GPR26: variants seen among roughly 807,000 people sequenced by gnomAD.
GPR26 encodes G protein-coupled receptor 26.
A neutral mutation model predicts 23.1 loss-of-function variants in GPR26; 15 were observed. That is an observed-to-expected ratio of 0.65 (90% confidence interval 0.43 to 1.00). The LOEUF (loss-of-function observed/expected upper bound fraction) is 1.00, where lower values mean the gene tolerates loss of function less well. Among genes scored for constraint, GPR26 ranks in the 50% least tolerant of loss-of-function variants. The pLI, the probability that GPR26 is intolerant of heterozygous loss-of-function variation, is 0.00. For synonymous variants in GPR26, 228 were observed against 222.1 expected (o/e 1.03, Z -0.24); for missense variants, 359 against 470.5 (o/e 0.76, Z 2.19).
rs1305952814 is a variant in GPR26, at chr10:123,691,671, C to T, written c.*3511C>T. On this transcript the variant is annotated 3_prime_UTR_variant, in exon 3 of 3. Coordinates refer to ENST00000284674, the MANE Select transcript of GPR26 (RefSeq NM_153442.4). Reference sequence around the variant, plus strand: ...CAGCTCCTATCCTCTGGACGGGGAGCATCATGGGAAAAAGAGGTCCGAGTC... The same window carrying T: ...CAGCTCCTATCCTCTGGACGGGGAGTATCATGGGAAAAAGAGGTCCGAGTC... 6.6e-6 allele frequency: 1 copy of T among 152,246 alleles called. No homozygotes were observed. The highest frequency in any genetic ancestry group is 2.1e-4 in the South Asian group (1 of 4,820). The allele number at this position is 152,246 out of a possible 1,614,324, so 9.4% of individuals were successfully genotyped here.
intron 2 of GPR26, among the ~76,000 whole-genome samples, chr10:123,675,857 A>ATGTGTGTGTGTGTGTGTGTGTGTGT: frequency 2.2e-5 from 1 of 45,642 alleles, no homozygotes; most frequent in Admixed American, 2.6e-4. Context: ...TGTGTGTGTA[A>ATGTGTGTGTGTGTGTGTGTGTGTGT]GAGAGAGAGA....
chr10:123,674,706 T>C lies in GPR26; in HGVS notation c.669-112T>C. 1.5e-6 allele frequency: 1 copy of C among 675,108 alleles called. No individual in the cohort carries two copies. The highest frequency in any genetic ancestry group is 1.8e-5 in the South Asian group (1 of 57,010). 41.8% of individuals were successfully genotyped at this position (675,108 alleles called of 1,614,324 possible). On this transcript the variant is annotated intron_variant, in intron 1 of 2. Transcript: ENST00000284674. The surrounding 1 kb of genome is among the most constrained non-coding windows in gnomAD (Gnocchi z 4.1). Reference sequence around the variant, plus strand: ...AGAGTTGACGCTGGGTCTTTCCGACTCCATAGTCAAGTTCTCACACTAGAG... The same window carrying C: ...AGAGTTGACGCTGGGTCTTTCCGACCCCATAGTCAAGTTCTCACACTAGAG...
rs149038559 is a variant in GPR26, at chr10:123,696,882, T to C, written c.*8722T>C. Among the ~76,000 whole-genome samples the C allele has an allele frequency of 2.8e-5, 4 of 144,668 alleles. No homozygotes were observed. Among genetic ancestry groups the C allele is most frequent in the African/African-American group, 1.2e-4 (4 of 34,650 alleles). The allele number at this position is 144,668 out of a possible 152,430, so 94.9% of individuals were successfully genotyped here. On this transcript the variant is annotated 3_prime_UTR_variant, in exon 3 of 3. Coordinates refer to ENST00000284674, the MANE Select transcript of GPR26 (RefSeq NM_153442.4). ...GGGTGAATGTTTGTGTGCCCATGAG[T>C]ATATGCATACGGGTGAATGTTTGTG...
chr10:123,678,433 G>A (rs962496126), intron 2 of GPR26, among the ~76,000 whole-genome samples: 5 of 152,222 alleles, frequency 3.3e-5, no homozygotes, highest in Admixed American at 3.3e-4. Context: ...CGATGTCAGG[G>A]TTTATCTGGG....
chr10:123,695,600 T>C lies in GPR26; in HGVS notation c.*7440T>C, dbSNP rs60025229. On this transcript the variant is annotated 3_prime_UTR_variant, in exon 3 of 3. Coordinates refer to ENST00000284674, the MANE Select transcript of GPR26 (RefSeq NM_153442.4). ...TCACGTTGACACTCAATTGATTGGG[T>C]GACCCAAGATGGTCAGTTTCCTAAG... 5.5e-3 allele frequency among the ~76,000 whole-genome samples: 843 copies of C among 152,240 alleles called. 9 individuals are homozygous for C. Among genetic ancestry groups the C allele is most frequent in the African/African-American group, 0.019 (773 of 41,540 alleles).
intron 2 of GPR26, among the ~76,000 whole-genome samples, chr10:123,683,155 G>A (rs899123248): frequency 1.3e-5 from 1 of 75,856 alleles, no homozygotes; most frequent in Non-Finnish European, 3.2e-5. Flanking sequence ...GGATTTGAAA[G>A]TACAGGTGCT....
At position 123,666,515 on chromosome 10, in the gene GPR26, C is replaced by T; in HGVS notation, c.108C>T (p.Ile36=). Residue 36 remains isoleucine, a synonymous_variant, in exon 1 of 3, where the codon ATC becomes ATT. Transcript: ENST00000284674. ...TCTGCCTGCTGCACAGCGCGGACAT[C>T]CGCCGCCAGGCGCCGGCGCTCTTCA... ...VLLCLLHSAD[I]RRQAPALFTL... The T allele has an allele frequency of 6.3e-7, 1 of 1,579,196 alleles. No individual in the cohort carries two copies.
intron 2 of GPR26, among the ~76,000 whole-genome samples, chr10:123,684,924 C>T (rs946283677): frequency 2.6e-5 from 4 of 152,224 alleles, no homozygotes; most frequent in Non-Finnish European, 5.9e-5. Flanking sequence ...GCTCTGTCAA[C>T]ACCTGAGCCC....
At chr10:123,675,340 C>T (rs1426944119) in intron 2 of GPR26, among the ~76,000 whole-genome samples, 2 of 152,148 alleles carry the variant, frequency 1.3e-5, no homozygotes, top group Non-Finnish European at 2.9e-5. Flanking sequence ...CCCCAGGTGT[C>T]CCCAACCTGA....
chr10:123,666,752 G>A lies in GPR26; in HGVS notation c.345G>A (p.Arg115=), dbSNP rs1407177704. 1.2e-6 allele frequency: 2 copies of A among 1,600,384 alleles called. No homozygotes were observed. Among genetic ancestry groups the A allele is most frequent in the Non-Finnish European group, 1.7e-6 (2 of 1,177,308 alleles). The change falls in exon 1 of 3, where the codon CGG becomes CGA. Residue 115 remains arginine, a synonymous_variant. Transcript: ENST00000284674. ...CCGTGGTCTTCCCGCTGAGCTACCG[G>A]GCCAAGATGCGCCTCCGCGACGCGG... ...WVAVVFPLSY[R]AKMRLRDAAL... is the part of the protein sequence containing the mutation.
rs980997186 is a variant in GPR26 at position 123,690,180 on chromosome 10, G to A, written c.*2020G>A. ...AGCAACAGACATTTGCTTCCTGGTG[G>A]CAAGTAACTGTGCACCCTCCAACAT... On this transcript the variant is annotated 3_prime_UTR_variant, in exon 3 of 3. Coordinates refer to ENST00000284674, the MANE Select transcript of GPR26 (RefSeq NM_153442.4). 6.6e-6 allele frequency: 1 copy of A among 152,116 alleles called. No individual in the cohort carries two copies. The highest frequency in any genetic ancestry group is 1.5e-5 in the Non-Finnish European group (1 of 68,036). The allele number at this position is 152,116 out of a possible 1,614,324, so 9.4% of individuals were successfully genotyped here. A position where few individuals can be genotyped will look rare whatever the true frequency, so the allele number is the denominator to read the frequency against.
rs1296733433 is a variant in GPR26 at position 123,690,259 on chromosome 10, T to G, written c.*2099T>G. The G allele has an allele frequency of 6.6e-6, 1 of 152,218 alleles. No individual in the cohort carries two copies. Among genetic ancestry groups the G allele is most frequent in the Non-Finnish European group, 1.5e-5 (1 of 68,038 alleles). 9.4% of individuals were successfully genotyped at this position (152,218 alleles called of 1,614,324 possible). On this transcript the variant is annotated 3_prime_UTR_variant, in exon 3 of 3. Coordinates refer to ENST00000284674, the MANE Select transcript of GPR26 (RefSeq NM_153442.4). Reference sequence around the variant, plus strand: ...AAAACCAGCAGAAGCCAAGACAGGATGCACAGCTGAATTGGAGGAGAGTAG... The same window carrying G: ...AAAACCAGCAGAAGCCAAGACAGGAGGCACAGCTGAATTGGAGGAGAGTAG...
rs1161002002 is a variant in GPR26, at chr10:123,691,938, T to G, written c.*3778T>G. 1 of 152,238 alleles carries G rather than the reference T, an allele frequency of 6.6e-6. No homozygotes were observed. The highest frequency in any genetic ancestry group is 2.1e-4 in the South Asian group (1 of 4,828). 9.4% of individuals were successfully genotyped at this position (152,238 alleles called of 1,614,324 possible). A position where few individuals can be genotyped will look rare whatever the true frequency, so the allele number is the denominator to read the frequency against. The stretch of plus-strand genomic sequence containing the variant: ...ATCTTAGACACTTGGATAAACTCTA[T>G]AGAAAATTGAGTGTTTCTATTAATA... On this transcript the variant is annotated 3_prime_UTR_variant, in exon 3 of 3. Coordinates refer to ENST00000284674, the MANE Select transcript of GPR26 (RefSeq NM_153442.4).
intron 2 of GPR26, among the ~76,000 whole-genome samples, chr10:123,680,826 TTGG>T (rs753408696): frequency 8.7e-6 from 1 of 114,306 alleles, no homozygotes; most frequent in Non-Finnish European, 1.8e-5. Context: ...TTTTGTTTTT[TTGG>T]GGGGGGGGGT....
Position 123,666,461 on chromosome 10 carries a change from C to A in GPR26, c.54C>A (p.Val18=). 1 of 1,550,846 alleles carries A rather than the reference C, an allele frequency of 6.4e-7. No individual in the cohort carries two copies. The highest frequency in any genetic ancestry group is 2.4e-5 in the East Asian group (1 of 41,132). Residue 18 remains valine, a synonymous_variant, in exon 1 of 3, where the codon GTC becomes GTA. Coordinates refer to ENST00000284674, the MANE Select transcript of GPR26 (RefSeq NM_153442.4). ...GGCTACTGGTGGGCACGATGGGCGT[C>A]TCGCTGCTGTCCAACGCGCTGGTGC... ...LAGLLVGTMG[V]SLLSNALVLL...
intron 2 of GPR26, among the ~76,000 whole-genome samples, chr10:123,680,838 G>GGTGTTTTTTTGTTT (rs1564732146): frequency 1.0e-5 from 1 of 95,326 alleles, no homozygotes; most frequent in African/African-American, 4.0e-5. Context: ...GGGGGGGGGG[G>GGTGTTTTTTTGTTT]TTGTTTTTTT....
Position 123,688,025 on chromosome 10 carries a change from G to T in GPR26, c.879G>T (p.Val293=), listed in dbSNP as rs1412035444. The change falls in exon 3 of 3, where the codon GTG becomes GTT. Residue 293 remains valine, a synonymous_variant. Coordinates refer to ENST00000284674, the MANE Select transcript of GPR26 (RefSeq NM_153442.4). ...GCAAGGCCGCATCCGACCCCTTTGT[G>T]TACTCCTTACTGCGACACCAGTACC... ...AYSKAASDPF[V]YSLLRHQYRK... is the part of the protein sequence containing the mutation. 2 of 1,613,846 alleles carry T rather than the reference G, an allele frequency of 1.2e-6. No individual in the cohort carries two copies. The highest frequency in any genetic ancestry group is 1.7e-6 in the Non-Finnish European group (2 of 1,179,906).
At chr10:123,673,552 A>G (rs1023060539) in intron 1 of GPR26, among the ~76,000 whole-genome samples, 1 of 152,210 alleles carries the variant, frequency 6.6e-6, no homozygotes, top group African/African-American at 2.4e-5. Context: ...ACAGGGTTAC[A>G]GTTGGAGGCA....
At chr10:123,680,613 T>G (rs1039327739) in intron 2 of GPR26, among the ~76,000 whole-genome samples, 1 of 151,996 alleles carries the variant, frequency 6.6e-6, no homozygotes, top group Non-Finnish European at 1.5e-5. Context: ...GAAATAAAAA[T>G]CAAAACCCAC....
Sources: gnomAD v4.1 joint callset for allele counts (sites outside exome capture counted in the v4.1 genomes callset) on GRCh38, gnomAD v4.1.1 for gene constraint, Gnocchi (gnomAD v3.1) non-coding constraint, MANE v1.5 for transcripts, NCBI Gene and HGNC (gene_info 2026-07-23, HGNC 2026-07-21) for gene names.